PTPRG: variants seen among roughly 807,000 people sequenced by gnomAD.
PTPRG encodes the protein receptor-type tyrosine-protein phosphatase gamma.
Under a neutral mutation model 165.3 loss-of-function variants are expected in PTPRG, and 102 were observed. That is an observed-to-expected ratio of 0.62 (90% CI 0.53 to 0.73). The LOEUF (loss-of-function observed/expected upper bound fraction) is 0.73. PTPRG is among the 30% of genes least tolerant of loss of function. The probability of loss-of-function intolerance (pLI) is 0.00; values close to 1 mark genes in which losing one functional copy is unlikely to be tolerated. For synonymous variants in PTPRG, 675 were observed against 669.5 expected (o/e 1.01, Z -0.13); for missense variants, 1,866 against 1,861.4 (o/e 1.00, Z -0.05).
At chr3:61,606,138 C>T (rs751746663) in intron 1 of PTPRG, among the ~76,000 whole-genome samples, 7 of 152,192 alleles carry the variant, frequency 4.6e-5, no homozygotes, top group Non-Finnish European at 7.3e-5. Flanking sequence ...GGGTCCTCTG[C>T]TCAGGCTGAA....
intron 26 of PTPRG, among the ~76,000 whole-genome samples, chr3:62,280,154 C>T (rs1202551654): frequency 1.3e-5 from 2 of 152,006 alleles, no homozygotes; most frequent in Admixed American, 1.3e-4. Context: ...TGAAATATAA[C>T]ATTGACAGAT....
intron 1 of PTPRG, among the ~76,000 whole-genome samples, chr3:61,591,723 T>C (rs150144664): frequency 2.0e-5 from 3 of 152,288 alleles, no homozygotes; most frequent in African/African-American, 4.8e-5. Context: ...CTTAAAAATA[T>C]TCACTGAAGC....
chr3:61,588,560 C>T (rs990053873), intron 1 of PTPRG, among the ~76,000 whole-genome samples: 1 of 151,904 alleles, frequency 6.6e-6, no homozygotes, highest in South Asian at 2.1e-4. Flanking sequence ...ATTCTCATGC[C>T]TCAGCCTCTG....
chr3:62,293,060 C>T, intron 29 of PTPRG, 101 bp from the exon 30 acceptor site: 1 of 1,006,126 alleles, frequency 9.9e-7, no homozygotes, highest in Non-Finnish European at 1.4e-6. Context: ...TGCTGTTTCT[C>T]TAGTGTGTTT....
At chr3:62,204,184 T>A (rs1043052066) in intron 12 of PTPRG, among the ~76,000 whole-genome samples, 1 of 152,226 alleles carries the variant, frequency 6.6e-6, no homozygotes, top group African/African-American at 2.4e-5. Flanking sequence ...ATTTGTTTTC[T>A]TGCCTCGGAA....
intron 4 of PTPRG, among the ~76,000 whole-genome samples, chr3:62,012,664 G>A (rs540758995): frequency 3.9e-5 from 6 of 152,220 alleles, no homozygotes; most frequent in East Asian, 1.9e-4. Context: ...AACCCGTCAC[G>A]TGAGGTCAGG....
At chr3:62,160,689 T>C (rs563413954) in intron 7 of PTPRG, among the ~76,000 whole-genome samples, 1 of 152,362 alleles carries the variant, frequency 6.6e-6, no homozygotes, top group African/African-American at 2.4e-5. Flanking sequence ...TCTTTGCCCA[T>C]AGGCAACTAA....
chr3:61,826,545 G>A (rs533678222), intron 2 of PTPRG, among the ~76,000 whole-genome samples: 42 of 151,678 alleles, frequency 2.8e-4, no homozygotes, highest in African/African-American at 9.7e-4. Flanking sequence ...TCCGATGTTT[G>A]TACTATTTCC....
At chr3:61,649,678 A>G (rs1702296549) in intron 1 of PTPRG, among the ~76,000 whole-genome samples, 1 of 152,244 alleles carries the variant, frequency 6.6e-6, no homozygotes, top group Admixed American at 6.5e-5. Flanking sequence ...GGGCTAAATC[A>G]GCATAATATG....
chr3:61,972,453 T>A (rs935980908), intron 2 of PTPRG, among the ~76,000 whole-genome samples: 5 of 135,450 alleles, frequency 3.7e-5, no homozygotes, highest in African/African-American at 5.5e-5. Flanking sequence ...TTTAACAGGA[T>A]CCCTGGCTGC....
intron 1 of PTPRG, among the ~76,000 whole-genome samples, chr3:61,738,310 A>ATG (rs1559583400): frequency 2.2e-5 from 1 of 45,498 alleles, no homozygotes; most frequent in African/African-American, 7.9e-5. Flanking sequence ...ATATATATAT[A>ATG]TACATATATA....
chr3:61,846,953 C>T (rs2036824155), intron 2 of PTPRG, among the ~76,000 whole-genome samples: 1 of 152,042 alleles, frequency 6.6e-6, no homozygotes, highest in African/African-American at 2.4e-5. Context: ...TGCGACTGTG[C>T]TGTCTAGTAC....
intron 1 of PTPRG, among the ~76,000 whole-genome samples, chr3:61,625,191 C>T (rs905531071): frequency 6.6e-6 from 1 of 151,714 alleles, no homozygotes; most frequent in Non-Finnish European, 1.5e-5. Context: ...TTCGGAGATA[C>T]TAGATGGGGT....
intron 2 of PTPRG, among the ~76,000 whole-genome samples, chr3:61,911,155 AC>A (rs1349165844): frequency 6.6e-6 from 1 of 152,010 alleles, no homozygotes; most frequent in Non-Finnish European, 1.5e-5. Context: ...CTTCTTTCAA[AC>A]CCTTTCAATA....
intron 1 of PTPRG, among the ~76,000 whole-genome samples, chr3:61,568,824 C>G (rs1022470533): frequency 2.0e-5 from 3 of 151,654 alleles, no homozygotes; most frequent in Non-Finnish European, 4.4e-5. Flanking sequence ...GGGAGAATTG[C>G]TTGAACCCAG....
At chr3:61,578,134 A>G (rs540598212) in intron 1 of PTPRG, among the ~76,000 whole-genome samples, 6 of 152,346 alleles carry the variant, frequency 3.9e-5, no homozygotes, top group African/African-American at 1.4e-4. Flanking sequence ...TCCCTCTCCT[A>G]GTTCCTGTTG....
At chr3:61,778,844 C>G (rs553960799) in intron 2 of PTPRG, among the ~76,000 whole-genome samples, 141 of 152,146 alleles carry the variant, frequency 9.3e-4, no homozygotes, top group Non-Finnish European at 1.8e-3. Context: ...AGTATCAGGA[C>G]CACGTGGTGG....
chr3:61,972,798 G>C (rs55985991), intron 2 of PTPRG, among the ~76,000 whole-genome samples: 1 of 150,238 alleles, frequency 6.7e-6, no homozygotes, highest in Non-Finnish European at 1.5e-5. Context: ...GACCGCTGGC[G>C]TGTGCCACCA....
At chr3:61,683,599 A>G (rs6779806) in intron 1 of PTPRG, among the ~76,000 whole-genome samples, 2,852 of 152,328 alleles carry the variant, frequency 0.019, 96 homozygotes, top group African/African-American at 0.066. Context: ...GCAGTAGCCA[A>G]ACTAAACTGG....
Sources: allele counts gnomAD v4.1 joint callset (sites outside exome capture counted in the v4.1 genomes callset), GRCh38; gene constraint gnomAD v4.1.1; transcripts MANE v1.5; gene names NCBI Gene and HGNC (gene_info 2026-07-23, HGNC 2026-07-21).